Variants in CMSS1 observed in about 807,000 individuals in gnomAD.
CMSS1 encodes protein CMSS1.
CMSS1 carries 33 observed loss-of-function variants against 43.5 expected under a neutral mutation model. The ratio of observed to expected loss-of-function variants is 0.76; its 90% CI spans 0.57 to 1.01. The LOEUF is 1.01. CMSS1 is among the 50% of genes least tolerant of loss of function. The probability of loss-of-function intolerance (pLI) is 0.00; values close to 1 mark genes in which losing one functional copy is unlikely to be tolerated. For synonymous variants in CMSS1, 115 were observed against 117.2 expected, an observed-to-expected ratio of 0.98 and a Z score of 0.12; for missense variants, 313 against 326.4, an observed-to-expected ratio of 0.96 and a Z score of 0.32.
chr3:100,171,477 T>C (rs2067109502), intron 6 of CMSS1, among the ~76,000 whole-genome samples: 1 of 152,088 alleles, frequency 6.6e-6, no homozygotes, highest in African/African-American at 2.4e-5. Context: ...AACCAAATTT[T>C]GTATGAGAAC....
At position 99,940,303 on chromosome 3, in the gene CMSS1, A is replaced by G. The variant is rs117074122; in HGVS notation, c.64+122260A>G. Among the ~76,000 whole-genome samples the G allele has an allele frequency of 6.5e-4, 99 of 152,370 alleles. 1 individual carries two copies. In the East Asian group the frequency reaches 0.018, roughly 28 times the overall value. ...TTAAATGCCACACTTCCAACCCTAG[A>G]TCAGAGCTCTTGAAAATCATATGAT... is the stretch of plus-strand genomic sequence containing the variant. On this transcript the variant is annotated intron_variant, in intron 1 of 9. Coordinates refer to ENST00000421999, the MANE Select transcript of CMSS1 (RefSeq NM_032359.4).
chr3:99,865,786 G>T (rs13320057), intron 1 of CMSS1, among the ~76,000 whole-genome samples: 18,402 of 151,576 alleles, frequency 0.12, 1,498 homozygotes, highest in Non-Finnish European at 0.18. Context: ...AGAAATATGT[G>T]TGTATGTATT....
chr3:100,102,057 T>G (rs571484714), intron 1 of CMSS1, among the ~76,000 whole-genome samples: 4 of 152,216 alleles, frequency 2.6e-5, no homozygotes, highest in Non-Finnish European at 4.4e-5. Flanking sequence ...TCTTTGCTAT[T>G]GTGAATAGTG....
At chr3:99,996,097 A>C (rs1426590445) in intron 1 of CMSS1, among the ~76,000 whole-genome samples, 1 of 152,070 alleles carries the variant, frequency 6.6e-6, no homozygotes, top group South Asian at 2.1e-4. Flanking sequence ...ATTTTCCAAA[A>C]TTTTATGCTC....
intron 1 of CMSS1, chr3:99,849,156 A>G: frequency 6.2e-7 from 1 of 1,614,186 alleles, no homozygotes; most frequent in Non-Finnish European, 8.5e-7. Flanking sequence ...CAGATCCCTC[A>G]TCATTAGGGT....
intron 1 of CMSS1, among the ~76,000 whole-genome samples, chr3:100,047,607 C>T (rs2065297864): frequency 6.6e-6 from 1 of 152,138 alleles, no homozygotes; most frequent in African/African-American, 2.4e-5. Flanking sequence ...TTTATGCCTC[C>T]GCAAACAGTG....
chr3:99,979,918 G>A lies in CMSS1; in HGVS notation c.64+161875G>A, dbSNP rs188641263. ...AGCGGGACAAAGTGCTGTGAAGGGT[G>A]AGGTAGGAGAACTAATTTGTGGTTA... On this transcript the variant is annotated intron_variant, in intron 1 of 9. Transcript: ENST00000421999. Among the ~76,000 whole-genome samples, 565 of 152,324 alleles carry A rather than the reference G, an allele frequency of 3.7e-3. 3 individuals are homozygous for A. Among genetic ancestry groups the A allele is most frequent in the African/African-American group, 0.013 (537 of 41,570 alleles).
chr3:99,843,938 T>G (rs532843916), intron 1 of CMSS1, among the ~76,000 whole-genome samples: 8 of 152,204 alleles, frequency 5.3e-5, no homozygotes, highest in Non-Finnish European at 1.2e-4. Context: ...TTTATGAGAC[T>G]CTAGCTAATG....
At chr3:100,116,548 G>C (rs148881633) in intron 1 of CMSS1, among the ~76,000 whole-genome samples, 11 of 152,250 alleles carry the variant, frequency 7.2e-5, no homozygotes, top group African/African-American at 2.4e-4. Flanking sequence ...ATGGTATTTA[G>C]AAACCAAGAT....
intron 1 of CMSS1, among the ~76,000 whole-genome samples, chr3:100,093,028 C>T (rs1159487475): frequency 6.6e-6 from 1 of 151,758 alleles, no homozygotes; most frequent in Non-Finnish European, 1.5e-5. Flanking sequence ...TTCATAAATA[C>T]GTTGAAGGAG....
intron 1 of CMSS1, among the ~76,000 whole-genome samples, chr3:99,916,449 C>T (rs1482224690): frequency 6.9e-5 from 8 of 115,988 alleles, no homozygotes; most frequent in African/African-American, 2.2e-4. Context: ...CACACACACA[C>T]ACACACACAC....
chr3:99,921,380 C>A (rs373147891), intron 1 of CMSS1, among the ~76,000 whole-genome samples: 21 of 152,216 alleles, frequency 1.4e-4, no homozygotes, highest in African/African-American at 5.1e-4. Context: ...AGATAGAAGT[C>A]AGTTATGCCT....
intron 1 of CMSS1, among the ~76,000 whole-genome samples, chr3:99,968,065 A>T (rs1708705638): frequency 2.0e-5 from 3 of 152,208 alleles, no homozygotes; most frequent in Admixed American, 2.0e-4. Flanking sequence ...CCTTGGGGAA[A>T]ACATGTACAA....
At chr3:100,123,351 G>A (rs1316914464) in intron 1 of CMSS1, among the ~76,000 whole-genome samples, 2 of 152,184 alleles carry the variant, frequency 1.3e-5, no homozygotes, top group Non-Finnish European at 2.9e-5. Context: ...AGCATGGCTG[G>A]GGTATTGTGA....
At chr3:100,088,038 C>G (rs1490391940) in intron 1 of CMSS1, among the ~76,000 whole-genome samples, 1 of 152,018 alleles carries the variant, frequency 6.6e-6, no homozygotes, top group African/African-American at 2.4e-5. Flanking sequence ...ACCATGTTGG[C>G]CAGGCTGGTC....
chr3:99,958,038 A>G (rs917167923), intron 1 of CMSS1, among the ~76,000 whole-genome samples: 6 of 148,912 alleles, frequency 4.0e-5, no homozygotes, highest in Admixed American at 6.7e-5. Flanking sequence ...TAAAGGCTCA[A>G]TGGGCTCAGA....
intron 1 of CMSS1, among the ~76,000 whole-genome samples, chr3:99,951,590 T>C (rs1708178855): frequency 6.6e-6 from 1 of 152,126 alleles, no homozygotes; most frequent in Admixed American, 6.5e-5. Flanking sequence ...GAAATAGTGA[T>C]GAAGCAAGTG....
At chr3:100,130,275 C>G (rs1010822838) in intron 1 of CMSS1, among the ~76,000 whole-genome samples, 3 of 152,170 alleles carry the variant, frequency 2.0e-5, no homozygotes, top group African/African-American at 4.8e-5. Context: ...CTGAATTTCC[C>G]TTTCACATTT....
At chr3:99,974,924 C>G (rs191442501) in intron 1 of CMSS1, among the ~76,000 whole-genome samples, 18 of 152,284 alleles carry the variant, frequency 1.2e-4, no homozygotes, top group African/African-American at 4.3e-4. Flanking sequence ...CTCTGTAAAC[C>G]TGGGCGTGTT....
Sources: gnomAD v4.1 joint callset for allele counts (sites outside exome capture counted in the v4.1 genomes callset) on GRCh38, gnomAD v4.1.1 for gene constraint, MANE v1.5 for transcripts, NCBI Gene and HGNC (gene_info 2026-07-23, HGNC 2026-07-21) for gene names.